Variants in ADGRL2 observed in about 807,000 individuals in gnomAD.
The protein encoded by ADGRL2 is adhesion G protein-coupled receptor L2.
ADGRL2 carries 44 observed loss-of-function variants against 157.4 expected under a neutral mutation model. That is an observed-to-expected ratio of 0.28 (90% CI 0.22 to 0.36). ADGRL2 has a LOEUF of 0.36. Among genes scored for constraint, ADGRL2 ranks in the 10% least tolerant of loss-of-function variants. ADGRL2 has a pLI of 1.00. For synonymous variants in ADGRL2, 585 were observed against 624.7 expected, an observed-to-expected ratio of 0.94 and a Z score of 0.95; for missense variants, 1,510 against 1,768.9, an observed-to-expected ratio of 0.85 and a Z score of 2.63.
intron 3 of ADGRL2, among the ~76,000 whole-genome samples, chr1:81,677,142 C>T (rs570259): frequency 0.3 from 45,556 of 151,990 alleles, 7,060 homozygotes; most frequent in Admixed American, 0.37. Context: ...TGCACCACCA[C>T]GCCTGGCTAA....
At chr1:81,737,154 C>G (rs866777141) in intron 1 of ADGRL2, among the ~76,000 whole-genome samples, 1 of 152,116 alleles carries the variant, frequency 6.6e-6, no homozygotes, top group Non-Finnish European at 1.5e-5. Flanking sequence ...ATCTTAACCT[C>G]TTACCAGGCT....
chr1:81,598,106 G>A (rs1006890781), intron 3 of ADGRL2, among the ~76,000 whole-genome samples: 118 of 152,292 alleles, frequency 7.7e-4, no homozygotes, highest in African/African-American at 2.6e-3. Context: ...CATATTCTCA[G>A]AGCCAGAAAA....
intron 3 of ADGRL2, among the ~76,000 whole-genome samples, chr1:81,600,111 C>T (rs1001084100): frequency 6.6e-6 from 1 of 152,134 alleles, no homozygotes; most frequent in Admixed American, 6.5e-5. Flanking sequence ...ATATGTGATG[C>T]TATTTTCAAA....
intron 2 of ADGRL2, among the ~76,000 whole-genome samples, chr1:81,841,007 T>A (rs2092555446): frequency 6.6e-6 from 1 of 152,112 alleles, no homozygotes; most frequent in South Asian, 2.1e-4. Context: ...TTATGCTGTA[T>A]AATGGAGCCT....
intron 1 of ADGRL2, among the ~76,000 whole-genome samples, chr1:81,729,015 A>G (rs2084634019): frequency 6.6e-6 from 1 of 152,010 alleles, no homozygotes; most frequent in Admixed American, 6.6e-5. Flanking sequence ...TAGATCTGAT[A>G]AACATCCCAA....
At chr1:81,893,974 A>G (rs1157491966) in intron 2 of ADGRL2, among the ~76,000 whole-genome samples, 2 of 152,234 alleles carry the variant, frequency 1.3e-5, no homozygotes, top group African/African-American at 4.8e-5. Context: ...ATTGTCATTT[A>G]AGGAATGACT....
In ADGRL2 at chr1:81,769,446, T is replaced by A. The variant is rs144863700; in HGVS notation, c.-101+7594T>A. ...TGTTAGTGTCATGTGTTGAATAGTTTATATTTCCCTACTAATCTTCAAAGC... is the reference window on the plus strand; with the variant it reads ...TGTTAGTGTCATGTGTTGAATAGTTAATATTTCCCTACTAATCTTCAAAGC... On this transcript the variant is annotated intron_variant, in intron 2 of 20. Coordinates refer to the ADGRL2 transcript ENST00000359929. 2.4e-3 allele frequency among the ~76,000 whole-genome samples: 361 copies of A among 152,254 alleles called. 3 individuals are homozygous for A. The highest frequency in any genetic ancestry group is 7.9e-3 in the African/African-American group (327 of 41,584).
At chr1:81,415,864 G>A (rs1487519301) in intron 1 of ADGRL2, among the ~76,000 whole-genome samples, 3 of 143,072 alleles carry the variant, frequency 2.1e-5, no homozygotes, top group East Asian at 2.0e-4. Context: ...TTTTTGAGAC[G>A]GAGTCTTGCT....
chr1:81,805,731 A>T (rs36117174), intron 1 of ADGRL2, among the ~76,000 whole-genome samples: 119 of 84,344 alleles, frequency 1.4e-3, no homozygotes, highest in South Asian at 4.3e-3. Context: ...TTTAGTGGTT[A>T]AAAAAAAAAA....
intron 2 of ADGRL2, among the ~76,000 whole-genome samples, chr1:81,789,924 TAGTG>T (rs1436231305): frequency 6.6e-6 from 1 of 152,110 alleles, no homozygotes; most frequent in East Asian, 1.9e-4. Flanking sequence ...TTTGACAACT[TAGTG>T]AGTCATAAGT....
chr1:81,950,143 G>A, intron 6 of ADGRL2, 46 bp from the exon 7 acceptor site: 1 of 1,520,882 alleles, frequency 6.6e-7, no homozygotes, highest in Non-Finnish European at 9.1e-7. Context: ...CTGTATGTGA[G>A]TGCAAGTGTG....
At chr1:81,795,992 T>C (rs1343741063), upstream of ADGRL2, among the ~76,000 whole-genome samples, 1 of 152,162 alleles carries the variant, frequency 6.6e-6, no homozygotes, top group African/African-American at 2.4e-5. Context: ...TTTGTTTTGT[T>C]TTGTTTTTTG....
At chr1:81,426,161 T>C (rs1183997551) in intron 1 of ADGRL2, among the ~76,000 whole-genome samples, 1 of 152,164 alleles carries the variant, frequency 6.6e-6, no homozygotes, top group African/African-American at 2.4e-5. Context: ...AGAATTATGG[T>C]TGGACAATAG....
intron 23 of ADGRL2, chr1:81,989,560 C>A: frequency 3.5e-6 from 3 of 854,562 alleles, no homozygotes; most frequent in Non-Finnish European, 5.6e-6. Context: ...TGCTGGTAAT[C>A]TAATTTGTTG....
chr1:81,874,234 C>G (rs2093771578), intron 2 of ADGRL2, among the ~76,000 whole-genome samples: 1 of 152,140 alleles, frequency 6.6e-6, no homozygotes, highest in Admixed American at 6.6e-5. Context: ...TTAAGCCCTT[C>G]TGAAGATCAT....
At chr1:81,755,243 G>A (rs932577351) in intron 1 of ADGRL2, among the ~76,000 whole-genome samples, 42 of 147,714 alleles carry the variant, frequency 2.8e-4, no homozygotes, top group Non-Finnish European at 5.8e-4. Flanking sequence ...TTCATACATG[G>A]GGGTGATAAT....
chr1:81,841,195 T>C (rs1274280739), intron 2 of ADGRL2, among the ~76,000 whole-genome samples: 1 of 152,206 alleles, frequency 6.6e-6, no homozygotes, highest in Non-Finnish European at 1.5e-5. Context: ...TTGTTGCTTA[T>C]CCTTATTTCA....
At chr1:81,627,047 G>A (rs2081924773) in intron 3 of ADGRL2, among the ~76,000 whole-genome samples, 2 of 151,630 alleles carry the variant, frequency 1.3e-5, no homozygotes, top group South Asian at 4.2e-4. Flanking sequence ...CACTTCAAAG[G>A]GTTTTTGTAG....
intron 2 of ADGRL2, among the ~76,000 whole-genome samples, chr1:81,862,623 T>A (rs1571753388): frequency 6.6e-6 from 1 of 152,216 alleles, no homozygotes; most frequent in Non-Finnish European, 1.5e-5. Context: ...ATGACTATGT[T>A]AATAGAACAT....
Sources: allele counts gnomAD v4.1 joint callset (sites outside exome capture counted in the v4.1 genomes callset), GRCh38; gene constraint gnomAD v4.1.1; transcripts MANE v1.5; gene names NCBI Gene and HGNC (gene_info 2026-07-23, HGNC 2026-07-21).